Variants in USP9X observed in about 807,000 individuals in gnomAD.
USP9X encodes the protein ubiquitin specific peptidase 9 X-linked.
USP9X carries 7 observed loss-of-function variants against 190.3 expected under a neutral mutation model. The ratio of observed to expected loss-of-function variants is 0.04; its 90% CI spans 0.02 to 0.07. The LOEUF (loss-of-function observed/expected upper bound fraction) is 0.07. USP9X is among the 10% of genes least tolerant of loss of function. USP9X has a pLI of 1.00. For missense variants in USP9X, 1,010 were observed against 1,916.9 expected, an observed-to-expected ratio of 0.53 and a Z score of 8.83; for synonymous variants, 645 against 659.5, an observed-to-expected ratio of 0.98 and a Z score of 0.34.
At chrX:41,185,743 G>C (rs1192047153) in intron 23 of USP9X, among the ~76,000 whole-genome samples, 3 of 109,865 alleles carry the variant, frequency 2.7e-5, no homozygotes, top group Non-Finnish European at 5.7e-5. Flanking sequence ...CCCTGACACA[G>C]ATACTTAATG....
At chrX:41,223,921 G>A (rs2147263944) in intron 39 of USP9X, among the ~76,000 whole-genome samples, 1 of 112,076 alleles carries the variant, frequency 8.9e-6, no homozygotes, top group East Asian at 2.8e-4. Context: ...TAACTTTTTA[G>A]GCTGGGCTCA....
intron 44 of USP9X, among the ~76,000 whole-genome samples, chrX:41,231,961 G>A (rs2063363978): frequency 9.0e-6 from 1 of 111,456 alleles, no homozygotes; most frequent in African/African-American, 3.3e-5. Flanking sequence ...TGAGTTCAGG[G>A]TTACTGCTCC....
chrX:41,115,844 C>T (rs1241116085), intron 1 of USP9X, among the ~76,000 whole-genome samples: 8 of 111,470 alleles, frequency 7.2e-5, no homozygotes, highest in Admixed American at 4.8e-4. Flanking sequence ...AGGATTTCAA[C>T]GTGCTGTATA....
At chrX:41,157,590 AT>A (rs755545359) in intron 14 of USP9X, among the ~76,000 whole-genome samples, 1 of 111,330 alleles carries the variant, frequency 9.0e-6, no homozygotes, top group East Asian at 2.8e-4. Context: ...CATAGCCCTT[AT>A]TTCCCATAGT....
At chrX:41,107,972 A>T (rs777219457) in intron 1 of USP9X, among the ~76,000 whole-genome samples, 1 of 111,827 alleles carries the variant, frequency 8.9e-6, no homozygotes, top group African/African-American at 3.2e-5. Flanking sequence ...CTAAGTCTGG[A>T]CCTTCTCAAA....
In USP9X at chrX:41,205,507, GGACAGTAATAGA is replaced by G; in HGVS notation, c.5015+17_5015+28del. On this transcript the variant is annotated intron_variant, in intron 32 of 44. Transcript: ENST00000378308. ...GAAACAGTTCAGGTAAACTATGGAT[GGACAGTAATAGA>G]GATACTTCTTAAAATGAACATCTCA... 8.4e-7 allele frequency: 1 copy of G among 1,187,033 alleles called. No homozygotes were observed. Among genetic ancestry groups the G allele is most frequent in the Non-Finnish European group, 1.1e-6 (1 of 878,055 alleles).
intron 41 of USP9X, among the ~76,000 whole-genome samples, chrX:41,228,609 A>C (rs2063335141): frequency 1.2e-5 from 1 of 84,250 alleles, no homozygotes; most frequent in Admixed American, 1.4e-4. Flanking sequence ...CAACTACAGC[A>C]GTCATAAACT....
intron 38 of USP9X, among the ~76,000 whole-genome samples, chrX:41,221,811 A>G (rs1224453425): frequency 3.6e-5 from 4 of 111,550 alleles, no homozygotes; most frequent in Non-Finnish European, 7.5e-5. Flanking sequence ...AAAATGATCT[A>G]TAGACATAAG....
At chrX:41,101,246 G>GT (rs2062031685) in intron 1 of USP9X, among the ~76,000 whole-genome samples, 1 of 110,354 alleles carries the variant, frequency 9.1e-6, no homozygotes, top group Non-Finnish European at 1.9e-5. Flanking sequence ...TAATTTGAGT[G>GT]TTCGAATCTT....
chrX:41,170,383 A>AT, intron 19 of USP9X, 87 bp from the exon 20 acceptor site: 1 of 1,108,404 alleles, frequency 9.0e-7, no homozygotes, highest in Non-Finnish European at 1.2e-6. Context: ...AGTCTTTCGG[A>AT]TTTTTTGGTT....
chrX:41,196,398 T>C (rs754185591), intron 27 of USP9X, 39 bp downstream of exon 27: 2 of 1,178,590 alleles, frequency 1.7e-6, no homozygotes, highest in South Asian at 3.7e-5. Context: ...TGTGATTCAT[T>C]CTTTAAGCAA....
intron 21 of USP9X, among the ~76,000 whole-genome samples, chrX:41,173,816 C>CCA (rs1326202413): frequency 9.0e-6 from 1 of 111,682 alleles, no homozygotes; most frequent in African/African-American, 3.3e-5. Flanking sequence ...CTTGAATTTG[C>CCA]CACATGCTGA....
chrX:41,219,348 C>T, intron 38 of USP9X, 117 bp downstream of exon 38: 2 of 791,586 alleles, frequency 2.5e-6, no homozygotes, highest in Admixed American at 7.7e-5. Context: ...TCCCATAAAA[C>T]CTGTTGTGAA....
At position 41,085,734 on chromosome X, in the gene USP9X, G is replaced by C. The variant is rs1374673034; in HGVS notation, c.-534G>C. 3.4e-6 allele frequency: 1 copy of C among 297,020 alleles called. No individual in the cohort carries two copies. Among genetic ancestry groups the C allele is most frequent in the Non-Finnish European group, 5.9e-6 (1 of 170,757 alleles). 24.5% of individuals were successfully genotyped at this position (297,020 alleles called of 1,213,427 possible). On this transcript the variant is annotated 5_prime_UTR_variant, in exon 1 of 45. Transcript: ENST00000378308. ...GGAGCGGGGACAGAGGCGGCGACTAGGGGAAGGTGAAGCCGTCGCTGCAGG... is the reference window on the plus strand; with the variant it reads ...GGAGCGGGGACAGAGGCGGCGACTACGGGAAGGTGAAGCCGTCGCTGCAGG...
chrX:41,102,815 C>T (rs1254317110), intron 1 of USP9X, among the ~76,000 whole-genome samples: 2 of 104,535 alleles, frequency 1.9e-5, no homozygotes, highest in East Asian at 3.0e-4. Context: ...TTTTTTGAGA[C>T]GGAGTCTTGC....
At chrX:41,162,220 G>A (rs2062639845) in intron 14 of USP9X, among the ~76,000 whole-genome samples, 1 of 111,594 alleles carries the variant, frequency 9.0e-6, no homozygotes, top group Non-Finnish European at 1.9e-5. Flanking sequence ...ACATACCATA[G>A]GGTCTGGGAT....
intron 38 of USP9X, among the ~76,000 whole-genome samples, chrX:41,222,768 T>C (rs1037079699): frequency 8.1e-5 from 9 of 110,602 alleles, no homozygotes; most frequent in Non-Finnish European, 1.7e-4. Flanking sequence ...ATACAAAAAT[T>C]AGCTGGGCAT....
intron 13 of USP9X, among the ~76,000 whole-genome samples, chrX:41,152,660 G>T (rs1337161612): frequency 2.7e-5 from 3 of 111,872 alleles, no homozygotes; most frequent in Non-Finnish European, 5.6e-5. Context: ...CATAACATAA[G>T]TGCTTTGGTA....
intron 4 of USP9X, 46 bp from the exon 5 acceptor site, chrX:41,134,679 C>T: frequency 8.2e-6 from 9 of 1,093,511 alleles, no homozygotes; most frequent in South Asian, 1.9e-5. Context: ...GTAAAAACAA[C>T]CAGATGAACA....
Sources: gnomAD v4.1 joint callset for allele counts (sites outside exome capture counted in the v4.1 genomes callset) on GRCh38, gnomAD v4.1.1 for gene constraint, MANE v1.5 for transcripts, NCBI Gene and HGNC (gene_info 2026-07-23, HGNC 2026-07-21) for gene names.